Variants in ZSWIM8 observed in about 807,000 individuals in gnomAD.
The protein encoded by ZSWIM8 is zinc finger SWIM domain-containing protein 8.
In ZSWIM8, 27 loss-of-function variants were observed where a neutral mutation model predicts 173.7. That is an observed-to-expected ratio of 0.16 (90% CI 0.11 to 0.21). The LOEUF (loss-of-function observed/expected upper bound fraction) is 0.21. ZSWIM8 is among the 10% of genes least tolerant of loss of function. The probability of loss-of-function intolerance (pLI) is 1.00; values close to 1 mark genes in which losing one functional copy is unlikely to be tolerated. For synonymous variants in ZSWIM8, 958 were observed against 962.0 expected (o/e 1.00, Z 0.08); for missense variants, 1,627 against 2,428.8 (o/e 0.67, Z 6.94).
Position 73,789,359 on chromosome 10 carries a change from C to T in ZSWIM8, c.458-8C>T. ...GCACTCCCTGACCATGCCCCCATTT[C>T]TCCCCAGGGTTCCACCTGAGTGCTA... On this transcript the variant is annotated splice_polypyrimidine_tract_variant and splice_region_variant and intron_variant, in intron 3 of 25. Transcript: ENST00000604729. This position sits in a 1 kb window ranked among gnomAD's most constrained non-coding sequence, Gnocchi z 6.8. 3.2e-6 allele frequency: 5 copies of T among 1,553,930 alleles called. No homozygotes were observed. The highest frequency in any genetic ancestry group is 4.4e-6 in the Non-Finnish European group (5 of 1,147,972).
Position 73,793,593 on chromosome 10 carries a change from G to A in ZSWIM8, c.2319G>A (p.Leu773=). Residue 773 remains leucine, a synonymous_variant, in exon 11 of 26, where the codon CTG becomes CTA. Coordinates refer to ENST00000604729, the MANE Select transcript of ZSWIM8 (RefSeq NM_001367799.1). ...GTCCCATGTCCTCCTTCCAGGTACT[G>A]TTTGCCTGTGCTGAGGCCCTGCATG... is the stretch of plus-strand genomic sequence containing the variant. ...PLEQESRMEV[L]FACAEALHAH... is the part of the protein sequence containing the mutation. The A allele has an allele frequency of 1.9e-6, 3 of 1,591,602 alleles. No individual in the cohort carries two copies. The highest frequency in any genetic ancestry group is 2.6e-6 in the Non-Finnish European group (3 of 1,168,942).
At chr10:73,790,932 C>T (rs1324639648) in intron 7 of ZSWIM8, 43 bp from the exon 8 acceptor site, 1 of 1,548,082 alleles carries the variant, frequency 6.5e-7, no homozygotes, top group Non-Finnish European at 8.8e-7. Flanking sequence ...TTTCATTCAG[C>T]CCCGTCTTAC....
At position 73,791,191 on chromosome 10, in the gene ZSWIM8, T is replaced by A; in HGVS notation, c.1143+15T>A. On this transcript the variant is annotated intron_variant, in intron 8 of 25. Transcript: ENST00000604729. The surrounding 1 kb of genome is among the most constrained non-coding windows in gnomAD (Gnocchi z 6.0). ...CCTATGAACAGGTAATCACTCAGCGTTGGGGAGCCCCGTGGTAGCTCATTC... is the reference window on the plus strand; with the variant it reads ...CCTATGAACAGGTAATCACTCAGCGATGGGGAGCCCCGTGGTAGCTCATTC... The A allele has an allele frequency of 1.3e-6, 2 of 1,585,870 alleles. No individual in the cohort carries two copies. The highest frequency in any genetic ancestry group is 1.7e-6 in the Non-Finnish European group (2 of 1,160,274).
In ZSWIM8 at chr10:73,801,307, C is replaced by G. The variant is rs1237256064; in HGVS notation, c.5302-9C>G. 6.2e-7 allele frequency: 1 copy of G among 1,613,344 alleles called. No homozygotes were observed. Among genetic ancestry groups the G allele is most frequent in the South Asian group, 1.1e-5 (1 of 91,052 alleles). ...TACTAAGGCTCATCCTGCACACATC[C>G]TCCTCCAGTACATCCACCACCGCTT... On this transcript the variant is annotated splice_polypyrimidine_tract_variant and intron_variant, in intron 25 of 25. Transcript: ENST00000604729. This position sits in a 1 kb window ranked among gnomAD's most constrained non-coding sequence, Gnocchi z 4.9.
intron 20 of ZSWIM8, among the ~76,000 whole-genome samples, 155 bp from the exon 21 acceptor site, chr10:73,798,847 C>G (rs1199812476): frequency 6.6e-6 from 1 of 152,088 alleles, no homozygotes; most frequent in African/African-American, 2.4e-5. Context: ...GTGTGAAGCA[C>G]TCACTGCTCT....
Position 73,797,688 on chromosome 10 carries a change from C to A in ZSWIM8, c.3662+83C>A. The stretch of plus-strand genomic sequence containing the variant: ...CTAGTGCAATCCAACCATTGTCTCC[C>A]AGCATCCTCACTTTCCCTGGTCCTT... On this transcript the variant is annotated intron_variant, in intron 18 of 25. Coordinates refer to ENST00000604729, the MANE Select transcript of ZSWIM8 (RefSeq NM_001367799.1). The surrounding 1 kb of genome is among the most constrained non-coding windows in gnomAD (Gnocchi z 5.6). 2 of 1,565,500 alleles carry A rather than the reference C, an allele frequency of 1.3e-6. No individual in the cohort carries two copies. The highest frequency in any genetic ancestry group is 1.2e-5 in the South Asian group (1 of 85,270).
At chr10:73,793,521 G>A (rs2083496844) in intron 10 of ZSWIM8, 67 bp from the exon 11 acceptor site, 2 of 1,497,730 alleles carry the variant, frequency 1.3e-6, no homozygotes, top group African/African-American at 1.4e-5. Flanking sequence ...GGCTGCATGA[G>A]TGAGCATGAT....
rs771277221 is a variant in ZSWIM8, at chr10:73,788,749, T to C, written c.288T>C (p.Val96=). ...FHIPFEVVEK[V]YPPVPEQLQL... is the part of the protein sequence containing the mutation. ...TCCCATTTGAAGTGGTGGAGAAAGT[T>C]TACCCACCAGTGCCTGAGCAGCTAC... is the stretch of plus-strand genomic sequence containing the variant. The change falls in exon 2 of 26, where the codon GTT becomes GTC. Residue 96 remains valine (V), a synonymous_variant. Transcript: ENST00000604729. 3.1e-6 allele frequency: 5 copies of C among 1,614,000 alleles called. No individual in the cohort carries two copies. The highest frequency in any genetic ancestry group is 1.7e-4 in the Middle Eastern group (1 of 6,044).
rs1475182396 is a variant in ZSWIM8 at position 73,795,546 on chromosome 10, G to A, written c.2916G>A (p.Lys972=). ...FEAAVAALGM[K]TTVSEAEHPL... is the part of the protein sequence containing the mutation. Reference sequence around the variant, plus strand: ...AGGTCCTCTTTCTCGCAGGCATGAAGACAACAGTGAGCGAGGCAGAACATC... The same window carrying A: ...AGGTCCTCTTTCTCGCAGGCATGAAAACAACAGTGAGCGAGGCAGAACATC... Residue 972 remains lysine (K), a synonymous_variant, in exon 15 of 26, where the codon AAG becomes AAA. Coordinates refer to ENST00000604729, the MANE Select transcript of ZSWIM8 (RefSeq NM_001367799.1). The A allele has an allele frequency of 1.2e-6, 2 of 1,613,972 alleles. No individual in the cohort carries two copies.
In ZSWIM8 at chr10:73,789,763, G is replaced by A. The variant is rs1428744805; in HGVS notation, c.677G>A (p.Arg226Gln). 1.2e-6 allele frequency: 2 copies of A among 1,609,996 alleles called. No individual in the cohort carries two copies. The highest frequency in any genetic ancestry group is 4.5e-5 in the East Asian group (2 of 44,722). ...GCCCCAGTCTCAGAGTCCCTGTCCC[G>A]GCTACAGAGGGACCAGCTGCAAAAG... ...LRAPVSESLS[R>Q]LQRDQLQKFA... Residue 226 changes from arginine to glutamine, a missense_variant, in exon 5 of 26, where the codon CGG (arginine) becomes CAG (glutamine). By Grantham distance (43) the Arg-to-Gln change is conservative. Coordinates refer to ENST00000604729, the MANE Select transcript of ZSWIM8 (RefSeq NM_001367799.1). This position sits in a 1 kb window ranked among gnomAD's most constrained non-coding sequence, Gnocchi z 6.8.
chr10:73,792,129 G>GCCCCGA lies in ZSWIM8; in HGVS notation c.1595_1600dup (p.Arg532_Pro533dup). The GCCCCGA allele has an allele frequency of 6.5e-7, 1 of 1,529,896 alleles. No individual in the cohort carries two copies. The highest frequency in any genetic ancestry group is 2.3e-5 in the East Asian group (1 of 42,960). The allele number at this position is 1,529,896 out of a possible 1,614,324, so 94.8% of individuals were successfully genotyped here. The stretch of plus-strand genomic sequence containing the variant: ...GGGGCCTGGAGGAATCCCGGGACCG[G>GCCCCGA]CCCCGACCCCTTCCTACTGAGCCAG... On this transcript the variant is annotated inframe_insertion, in exon 10 of 26. Transcript: ENST00000604729. The surrounding 1 kb of genome is among the most constrained non-coding windows in gnomAD (Gnocchi z 4.3).
In ZSWIM8 at chr10:73,789,335, C is replaced by T. The variant is rs2083334859; in HGVS notation, c.458-32C>T. 5.1e-6 allele frequency: 8 copies of T among 1,555,336 alleles called. No homozygotes were observed. Among genetic ancestry groups the T allele is most frequent in the Non-Finnish European group, 7.0e-6 (8 of 1,148,850 alleles). On this transcript the variant is annotated intron_variant, in intron 3 of 25. Transcript: ENST00000604729. This position sits in a 1 kb window ranked among gnomAD's most constrained non-coding sequence, Gnocchi z 6.8. Reference sequence around the variant, plus strand: ...AGGGCAGAGACCCAGGTCCTGACAGCACTCCCTGACCATGCCCCCATTTCT... The same window carrying T: ...AGGGCAGAGACCCAGGTCCTGACAGTACTCCCTGACCATGCCCCCATTTCT...
In ZSWIM8 at chr10:73,800,423, G is replaced by C; in HGVS notation, c.4953G>C (p.Gln1651His). The change falls in exon 23 of 26, where the codon CAG (glutamine) becomes CAC (histidine). Residue 1651 changes from glutamine (Q) to histidine (H), a missense_variant. By Grantham distance (24) the Gln-to-His change is conservative. Coordinates refer to ENST00000604729, the MANE Select transcript of ZSWIM8 (RefSeq NM_001367799.1). The surrounding 1 kb of genome is among the most constrained non-coding windows in gnomAD (Gnocchi z 4.1). ...FPPPEEETHS[Q>H]PVNPHSLHHL... is the part of the protein sequence containing the mutation. ...CGCCCGAGGAGGAGACACACAGTCA[G>C]CCAGTCAATCCCCACAGCCTGCACC... The C allele has an allele frequency of 6.2e-7, 1 of 1,613,896 alleles. No individual in the cohort carries two copies. The highest frequency in any genetic ancestry group is 8.5e-7 in the Non-Finnish European group (1 of 1,179,878).
chr10:73,796,826 T>C lies in ZSWIM8; in HGVS notation c.3086T>C (p.Leu1029Pro). ...RESQTHKPQTLSSFYSSSRPT... is the reference protein window; with the variant it reads ...RESQTHKPQTPSSFYSSSRPT... ...AGCCAGACACATAAGCCACAGACGC[T>C]GAGTTCTTTCTACTCATCTAGCCGC... The change falls in exon 16 of 26, where the codon CTG becomes CCG. Residue 1029 changes from leucine to proline, a missense_variant. Leu to Pro is a moderately conservative substitution (Grantham distance 98). This residue lies in a region of ZSWIM8 where 163 missense variants were observed against 193.2 expected (regional missense o/e 0.84). Transcript: ENST00000604729. 1 of 1,614,044 alleles carries C rather than the reference T, an allele frequency of 6.2e-7. No homozygotes were observed. Among genetic ancestry groups the C allele is most frequent in the Non-Finnish European group, 8.5e-7 (1 of 1,179,904 alleles).
intron 15 of ZSWIM8, 77 bp from the exon 16 acceptor site, chr10:73,796,697 A>T: frequency 6.4e-7 from 1 of 1,566,098 alleles, no homozygotes; most frequent in South Asian, 1.2e-5. Context: ...TTCAAGGAGA[A>T]AGGAAGGTAA....
Position 73,795,630 on chromosome 10 carries a change from C to G in ZSWIM8, c.3000C>G (p.Ile1000Met). Residue 1000 changes from isoleucine to methionine, a missense_variant, in exon 15 of 26, where the codon ATC becomes ATG. By Grantham distance (10) the Ile-to-Met change is conservative (BLOSUM62 1). Coordinates refer to ENST00000604729, the MANE Select transcript of ZSWIM8 (RefSeq NM_001367799.1). ...EKGDLALALM[I>M]TYKDDQAKLK... ...GTGACCTGGCATTAGCACTAATGAT[C>G]ACTTACAAGGACGACCAGGCCAAGC... is the stretch of plus-strand genomic sequence containing the variant. 1 of 1,613,714 alleles carries G rather than the reference C, an allele frequency of 6.2e-7. No homozygotes were observed. The highest frequency in any genetic ancestry group is 1.7e-5 in the Admixed American group (1 of 60,018).
In ZSWIM8 at chr10:73,792,177, G is replaced by A. The variant is rs753342092; in HGVS notation, c.1638G>A (p.Gly546=). 7.8e-6 allele frequency: 12 copies of A among 1,530,440 alleles called. No homozygotes were observed. Among genetic ancestry groups the A allele is most frequent in the Non-Finnish European group, 1.1e-5 (12 of 1,140,062 alleles). 94.8% of individuals were successfully genotyped at this position (1,530,440 alleles called of 1,614,324 possible). Residue 546 remains glycine (G), a synonymous_variant, in exon 10 of 26, where the codon GGG becomes GGA. Transcript: ENST00000604729. The surrounding 1 kb of genome is among the most constrained non-coding windows in gnomAD (Gnocchi z 4.3). ...TEPAVRPKEP[G]TKRKGLGEGV... ...CAGCTGTGCGGCCCAAGGAGCCTGG[G>A]ACCAAGCGAAAGGGCTTGGGTGAGG...
At chr10:73,794,859 A>G (rs2083559519) in intron 14 of ZSWIM8, 2 of 352,960 alleles carry the variant, frequency 5.7e-6, no homozygotes. Context: ...AGGCTGAAGC[A>G]GGAGGATTGT....
At chr10:73,796,023 G>C (rs2083634809) in intron 15 of ZSWIM8, among the ~76,000 whole-genome samples, 1 of 148,144 alleles carries the variant, frequency 6.8e-6, no homozygotes, top group Non-Finnish European at 1.5e-5. Context: ...GAGAAAGAGA[G>C]CACATTTTAC....
Sources: allele counts gnomAD v4.1 joint callset (sites outside exome capture counted in the v4.1 genomes callset), GRCh38; gene constraint gnomAD v4.1.1; regional missense constraint gnomAD v4.1.1; non-coding constraint Gnocchi (gnomAD v3.1); transcripts MANE v1.5; gene names NCBI Gene and HGNC (gene_info 2026-07-23, HGNC 2026-07-21).